The following FOXO1 variants were observed in gnomAD, a reference collection of about 807,000 sequenced individuals.
The protein encoded by FOXO1 is forkhead box O1.
FOXO1 carries 6 observed loss-of-function variants against 44.1 expected under a neutral mutation model. The observed-to-expected ratio is 0.14, with a 90% CI of 0.07 to 0.27. The LOEUF (loss-of-function observed/expected upper bound fraction) is 0.27. Ranked by LOEUF, FOXO1 falls within the 10% of genes least tolerant of loss-of-function variation. The pLI, the probability that FOXO1 is intolerant of heterozygous loss-of-function variation, is 1.00. For missense variants in FOXO1, 737 were observed against 888.8 expected (o/e 0.83, Z 2.17); for synonymous variants, 380 against 362.7 (o/e 1.05, Z -0.54).
intron 1 of FOXO1, among the ~76,000 whole-genome samples, chr13:40,581,996 T>C (rs1345680897): frequency 6.6e-6 from 1 of 152,200 alleles, no homozygotes; most frequent in East Asian, 1.9e-4. Context: ...GGAAGAATTA[T>C]ATTTATAGCT....
At chr13:40,617,387 G>C (rs1486721844) in intron 1 of FOXO1, among the ~76,000 whole-genome samples, 1 of 151,584 alleles carries the variant, frequency 6.6e-6, no homozygotes, top group Non-Finnish European at 1.5e-5. Flanking sequence ...GGAGGTTGTG[G>C]TCACGCCACT....
At chr13:40,660,021 T>C (rs1179819369) in intron 1 of FOXO1, among the ~76,000 whole-genome samples, 2 of 152,214 alleles carry the variant, frequency 1.3e-5, no homozygotes, top group East Asian at 3.8e-4. Context: ...CTCTAAGTAT[T>C]TGTACACAGC....
intron 1 of FOXO1, among the ~76,000 whole-genome samples, chr13:40,662,264 TA>T (rs768613256): frequency 5.9e-5 from 9 of 151,862 alleles, no homozygotes; most frequent in Non-Finnish European, 1.0e-4. Flanking sequence ...TAACAAGAGT[TA>T]AGTGGTATAG....
intron 1 of FOXO1, among the ~76,000 whole-genome samples, chr13:40,634,276 A>G (rs1182392507): frequency 1.3e-5 from 2 of 152,238 alleles, no homozygotes; most frequent in Non-Finnish European, 2.9e-5. Flanking sequence ...TCTGCAATAG[A>G]GAACTCAACA....
intron 1 of FOXO1, among the ~76,000 whole-genome samples, chr13:40,625,036 T>G (rs1233752874): frequency 6.6e-6 from 1 of 152,188 alleles, no homozygotes; most frequent in Non-Finnish European, 1.5e-5. Context: ...TGTAAGTCAG[T>G]AGAAATGAAA....
intron 1 of FOXO1, among the ~76,000 whole-genome samples, chr13:40,641,236 T>C (rs913242220): frequency 1.3e-5 from 2 of 152,048 alleles, no homozygotes; most frequent in Non-Finnish European, 2.9e-5. Flanking sequence ...AGCCTTCCTA[T>C]CCATCTGGTG....
At chr13:40,603,925 T>C (rs1875903612) in intron 1 of FOXO1, among the ~76,000 whole-genome samples, 1 of 152,246 alleles carries the variant, frequency 6.6e-6, no homozygotes, top group South Asian at 2.1e-4. Flanking sequence ...AGCTTAGCTT[T>C]AGCAGTCAGA....
At chr13:40,648,438 C>T (rs1207823240) in intron 1 of FOXO1, among the ~76,000 whole-genome samples, 1 of 152,098 alleles carries the variant, frequency 6.6e-6, no homozygotes, top group Non-Finnish European at 1.5e-5. Flanking sequence ...AAAATAAATC[C>T]AAATTAAAAA....
intron 1 of FOXO1, among the ~76,000 whole-genome samples, chr13:40,598,865 A>G (rs2137876263): frequency 6.6e-6 from 1 of 152,352 alleles, no homozygotes; most frequent in African/African-American, 2.4e-5. Context: ...AAAATGGTTT[A>G]TTATTTCATT....
chr13:40,594,641 A>G (rs1875509276), intron 1 of FOXO1, among the ~76,000 whole-genome samples: 1 of 152,172 alleles, frequency 6.6e-6, no homozygotes, highest in Non-Finnish European at 1.5e-5. Context: ...TCAGGGAGCG[A>G]GGGTTCTGGA....
At chr13:40,614,930 C>T (rs1876368129) in intron 1 of FOXO1, among the ~76,000 whole-genome samples, 1 of 152,118 alleles carries the variant, frequency 6.6e-6, no homozygotes, top group Non-Finnish European at 1.5e-5. Context: ...AGCTAGGAGG[C>T]AAATCAATGT....
chr13:40,603,331 GACC>G (rs1875877505), intron 1 of FOXO1, among the ~76,000 whole-genome samples: 1 of 125,782 alleles, frequency 8.0e-6, no homozygotes, highest in Admixed American at 9.9e-5. Flanking sequence ...ACCAGATGGA[GACC>G]CTAGTTGGCA....
intron 1 of FOXO1, among the ~76,000 whole-genome samples, chr13:40,662,723 C>T (rs1245385981): frequency 6.6e-6 from 1 of 152,234 alleles, no homozygotes; most frequent in Non-Finnish European, 1.5e-5. Flanking sequence ...ACACAAGAAA[C>T]TATTTAATTA....
intron 1 of FOXO1, among the ~76,000 whole-genome samples, chr13:40,658,590 G>A (rs565479918): frequency 3.5e-4 from 53 of 152,304 alleles, no homozygotes; most frequent in Middle Eastern, 3.4e-3. Flanking sequence ...AACTAGTCCT[G>A]AGGTATACTT....
chr13:40,637,450 A>G (rs1482898369), intron 1 of FOXO1, among the ~76,000 whole-genome samples: 58 of 150,712 alleles, frequency 3.8e-4, no homozygotes, highest in African/African-American at 1.3e-3. Context: ...TCACAAAAAA[A>G]AAAAAAAAAA....
Position 40,638,808 on chromosome 13 carries a change from G to A in FOXO1, c.630+26775C>T, listed in dbSNP as rs374765025. On this transcript the variant is annotated intron_variant, in intron 1 of 2. Coordinates refer to ENST00000379561, the MANE Select transcript of FOXO1 (RefSeq NM_002015.4). ...GGCACTGTATTCATACTGTGATGAG[G>A]CACTGAAGGCAGTAGAAACTTCAGA... Among the ~76,000 whole-genome samples the A allele has an allele frequency of 7.2e-5, 11 of 152,282 alleles. No homozygotes were observed. In the East Asian group the frequency reaches 2.1e-3, roughly 29 times the overall value.
rs1004730210 is a variant in FOXO1 at position 40,647,434 on chromosome 13, T to G, written c.630+18149A>C. On this transcript the variant is annotated intron_variant, in intron 1 of 2. Coordinates refer to ENST00000379561, the MANE Select transcript of FOXO1 (RefSeq NM_002015.4). ...CCCTCCCCTGCCCAGAGATGGAATC[T>G]TGCTCTGTCACCTAGGCGGGAGTGC... Among the ~76,000 whole-genome samples, 7 of 152,178 alleles carry G rather than the reference T, an allele frequency of 4.6e-5. No homozygotes were observed. In the South Asian group the frequency reaches 1.5e-3, roughly 32 times the overall value.
At position 40,580,783 on chromosome 13, in the gene FOXO1, A is replaced by G. The variant is rs548754122; in HGVS notation, c.631-19923T>C. Among the ~76,000 whole-genome samples the G allele has an allele frequency of 1.1e-4, 16 of 152,356 alleles. No homozygotes were observed. In the South Asian group the frequency reaches 3.3e-3, roughly 32 times the overall value. The stretch of plus-strand genomic sequence containing the variant: ...TGTTTACGCAATCACTATTAGCAGT[A>G]GCAACAAAAGATGCTGTCATTTGAA... On this transcript the variant is annotated intron_variant, in intron 1 of 2. Transcript: ENST00000379561.
At chr13:40,646,251 T>C (rs1021108463) in intron 1 of FOXO1, among the ~76,000 whole-genome samples, 1 of 151,710 alleles carries the variant, frequency 6.6e-6, no homozygotes, top group Non-Finnish European at 1.5e-5. Flanking sequence ...TGTGAAGGAA[T>C]TGTGGTTTTC....
Sources: allele counts gnomAD v4.1 joint callset (sites outside exome capture counted in the v4.1 genomes callset), GRCh38; gene constraint gnomAD v4.1.1; transcripts MANE v1.5; gene names NCBI Gene and HGNC (gene_info 2026-07-23, HGNC 2026-07-21).